Variants in ICE2 observed in about 807,000 individuals in gnomAD.
ICE2 encodes the protein interactor of little elongation complex ELL subunit 2.
In ICE2, 87 loss-of-function variants were observed where a neutral mutation model predicts 105.4. That is an observed-to-expected ratio of 0.83 (90% CI 0.69 to 0.99). The LOEUF is 0.99. Among genes scored for constraint, ICE2 ranks in the 50% least tolerant of loss-of-function variants. The pLI is 0.00. For missense variants in ICE2, 1,323 were observed against 1,146.7 expected (o/e 1.15, Z -2.22); for synonymous variants, 399 against 392.0 (o/e 1.02, Z -0.21).
intron 8 of ICE2, among the ~76,000 whole-genome samples, chr15:60,454,351 C>A (rs1452212821): frequency 1.3e-5 from 2 of 151,974 alleles, no homozygotes; most frequent in Non-Finnish European, 2.9e-5. Context: ...CAGTAACGAA[C>A]AAGTAAATAA....
At position 60,420,248 on chromosome 15, in the gene ICE2, T is replaced by C. The variant is rs553050131; in HGVS notation, c.*3386A>G. Reference sequence around the variant, plus strand: ...ACCATCATTTACTCAGTATCTCAAATGAGAAACCCAGAAGCCATACTTTAC... The same window carrying C: ...ACCATCATTTACTCAGTATCTCAAACGAGAAACCCAGAAGCCATACTTTAC... On this transcript the variant is annotated 3_prime_UTR_variant, in exon 16 of 16. Coordinates refer to ENST00000261520, the MANE Select transcript of ICE2 (RefSeq NM_024611.6). The C allele has an allele frequency of 1.3e-5, 2 of 152,162 alleles. No individual in the cohort carries two copies. Among genetic ancestry groups the C allele is most frequent in the African/African-American group, 4.8e-5 (2 of 41,512 alleles). The allele number at this position is 152,162 out of a possible 1,614,324, so 9.4% of individuals were successfully genotyped here.
chr15:60,466,533 T>C (rs1595813033), intron 5 of ICE2, 61 bp downstream of exon 5: 2 of 1,584,034 alleles, frequency 1.3e-6, no homozygotes, highest in East Asian at 2.2e-5. Flanking sequence ...CATCACATAT[T>C]TCAGAATGCT....
At chr15:60,444,731 C>G (rs986040851) in intron 11 of ICE2, among the ~76,000 whole-genome samples, 1 of 152,156 alleles carries the variant, frequency 6.6e-6, no homozygotes, top group Admixed American at 6.5e-5. Context: ...GTTGTCTAGG[C>G]TGGAGTACAA....
intron 5 of ICE2, among the ~76,000 whole-genome samples, chr15:60,464,352 A>G (rs1320037948): frequency 2.5e-5 from 2 of 81,464 alleles, no homozygotes; most frequent in African/African-American, 6.3e-5. Context: ...ATAAAACAGC[A>G]CTTACAAAAA....
At chr15:60,458,734 C>T (rs1158544439) in intron 5 of ICE2, among the ~76,000 whole-genome samples, 4 of 151,992 alleles carry the variant, frequency 2.6e-5, no homozygotes, top group Non-Finnish European at 2.9e-5. Context: ...TACACACGCG[C>T]ACACACAAAC....
rs577655996 is a variant in ICE2, at chr15:60,434,615, C to G, written c.2510+1528G>C. ...AGAAATGAAATTCTGTTATTTGCAT[C>G]GTGGATAGAACTGGAAGTCATTATG... is the stretch of plus-strand genomic sequence containing the variant. On this transcript the variant is annotated intron_variant, in intron 13 of 15. Coordinates refer to ENST00000261520, the MANE Select transcript of ICE2 (RefSeq NM_024611.6). Among the ~76,000 whole-genome samples, 5 of 151,408 alleles carry G rather than the reference C, an allele frequency of 3.3e-5. No individual in the cohort carries two copies. The East Asian group carries it at 9.7e-4, about 29-fold the overall frequency.
chr15:60,438,438 A>T (rs2063644755), intron 12 of ICE2: 1 of 152,198 alleles, frequency 6.6e-6, no homozygotes, highest in African/African-American at 2.4e-5. Flanking sequence ...TCCTTCTAAG[A>T]CACCAAATTC....
chr15:60,465,407 T>G (rs1246393774), intron 5 of ICE2, among the ~76,000 whole-genome samples: 1 of 152,150 alleles, frequency 6.6e-6, no homozygotes, highest in Non-Finnish European at 1.5e-5. Context: ...CCCAGGTTAG[T>G]TTCAAATTAC....
intron 3 of ICE2, among the ~76,000 whole-genome samples, chr15:60,474,944 G>C (rs1567016655): frequency 6.6e-6 from 1 of 152,096 alleles, no homozygotes; most frequent in Non-Finnish European, 1.5e-5. Flanking sequence ...AACACAGCAA[G>C]ACCATGTCTC....
At position 60,453,488 on chromosome 15, in the gene ICE2, T is replaced by C. The variant is rs1035907472; in HGVS notation, c.1125+115A>G. ...CTAGACTCGAAATTCAATTTCAGTTTGAATCTAAAGCCTGTATTTTTAACT... is the reference window on the plus strand; with the variant it reads ...CTAGACTCGAAATTCAATTTCAGTTCGAATCTAAAGCCTGTATTTTTAACT... On this transcript the variant is annotated intron_variant, in intron 9 of 15. Transcript: ENST00000261520. 8 of 1,459,026 alleles carry C rather than the reference T, an allele frequency of 5.5e-6. No homozygotes were observed. In the African/African-American group the frequency reaches 1.0e-4, roughly 18 times the overall value. The allele number at this position is 1,459,026 out of a possible 1,614,324, so 90.4% of individuals were successfully genotyped here.
chr15:60,422,305 T>C lies in ICE2; in HGVS notation c.*1329A>G, dbSNP rs1010241908. On this transcript the variant is annotated 3_prime_UTR_variant, in exon 16 of 16. Coordinates refer to ENST00000261520, the MANE Select transcript of ICE2 (RefSeq NM_024611.6). ...ACCCCACCACACCCGGCTAACTTTT[T>C]TATTTGTAGAGATGAGGTCTGTGTT... The C allele has an allele frequency of 6.6e-6, 1 of 152,012 alleles. No individual in the cohort carries two copies. Among genetic ancestry groups the C allele is most frequent in the African/African-American group, 2.4e-5 (1 of 41,368 alleles). 9.4% of individuals were successfully genotyped at this position (152,012 alleles called of 1,614,324 possible). A position where few individuals can be genotyped will look rare whatever the true frequency, so the allele number is the denominator to read the frequency against.
At chr15:60,424,670 G>A (rs2063301971) in intron 15 of ICE2, among the ~76,000 whole-genome samples, 1 of 152,124 alleles carries the variant, frequency 6.6e-6, no homozygotes, top group East Asian at 1.9e-4. Context: ...CACCATGCCT[G>A]GCTAACTTTT....
In ICE2 at chr15:60,428,707, C is replaced by A; in HGVS notation, c.2562-20G>T. ...TGCAAGCTAAATTCACACAATGAAA[C>A]TCAACCCACTGGCTCACTGTGTCAA... On this transcript the variant is annotated intron_variant, in intron 14 of 15. Coordinates refer to ENST00000261520, the MANE Select transcript of ICE2 (RefSeq NM_024611.6). The A allele has an allele frequency of 6.2e-7, 1 of 1,607,674 alleles. No individual in the cohort carries two copies.
At chr15:60,475,949 T>A in intron 3 of ICE2, 114 bp downstream of exon 3, 1 of 675,240 alleles carries the variant, frequency 1.5e-6, no homozygotes, top group East Asian at 3.0e-5. Context: ...AAAGTTGTTT[T>A]ACTTTAAACA....
In ICE2 at chr15:60,421,355, A is replaced by G. The variant is rs1434712942; in HGVS notation, c.*2279T>C. The G allele has an allele frequency of 6.6e-6, 1 of 152,170 alleles. No individual in the cohort carries two copies. Among genetic ancestry groups the G allele is most frequent in the Non-Finnish European group, 1.5e-5 (1 of 68,046 alleles). 9.4% of individuals were successfully genotyped at this position (152,170 alleles called of 1,614,324 possible). On this transcript the variant is annotated 3_prime_UTR_variant, in exon 16 of 16. Transcript: ENST00000261520. ...CTCAGCTTCCCAAGTAGCTGGGATT[A>G]CATCCTGCTAAACATATTGTCAGTT...
chr15:60,478,529 T>C (rs183087663), intron 1 of ICE2: 26 of 200,834 alleles, frequency 1.3e-4, no homozygotes, highest in South Asian at 2.8e-4. Flanking sequence ...TTGAGAAGAC[T>C]TGAGGTCAAC....
intron 11 of ICE2, chr15:60,445,531 A>G: frequency 1.1e-6 from 1 of 948,364 alleles, no homozygotes; most frequent in African/African-American, 1.8e-5. Flanking sequence ...TTAAAATTTT[A>G]TTCTGAGTTT....
chr15:60,438,685 A>T (rs1329225304), intron 12 of ICE2: 3 of 152,250 alleles, frequency 2.0e-5, no homozygotes, highest in Non-Finnish European at 4.4e-5. Flanking sequence ...ATAACTATAC[A>T]GAGAATACCA....
chr15:60,425,889 T>C (rs2063329557), intron 15 of ICE2, among the ~76,000 whole-genome samples: 1 of 152,172 alleles, frequency 6.6e-6, no homozygotes, highest in South Asian at 2.1e-4. Flanking sequence ...GATGGGGTAA[T>C]TCCTATCAAA....
Sources: allele counts gnomAD v4.1 joint callset (sites outside exome capture counted in the v4.1 genomes callset), GRCh38; gene constraint gnomAD v4.1.1; transcripts MANE v1.5; gene names NCBI Gene and HGNC (gene_info 2026-07-23, HGNC 2026-07-21).